C9orf72: variants seen among roughly 807,000 people sequenced by gnomAD.
C9orf72 encodes C9orf72-SMCR8 complex subunit.
A neutral mutation model predicts 51.6 loss-of-function variants in C9orf72; 44 were observed. The observed-to-expected ratio is 0.85, with a 90% confidence interval of 0.67 to 1.10. The LOEUF is 1.10. C9orf72 is among the 50% of genes least tolerant of loss of function. The pLI is 0.00. For missense variants in C9orf72, 607 were observed against 570.6 expected (o/e 1.06, Z -0.65); for synonymous variants, 213 against 194.2 (o/e 1.10, Z -0.81).
chr9:27,561,283 T>C (rs1234992319), intron 5 of C9orf72: 2 of 1,142,408 alleles, frequency 1.8e-6, no homozygotes, highest in African/African-American at 3.3e-5. Flanking sequence ...CAACTTAATA[T>C]GAAAGGATTC....
chr9:27,565,930 A>C (rs1819457346), intron 2 of C9orf72, among the ~76,000 whole-genome samples: 1 of 152,194 alleles, frequency 6.6e-6, no homozygotes, highest in Admixed American at 6.6e-5. Context: ...TCCTGATTTT[A>C]AGAGTTTCAT....
intron 1 of C9orf72, chr9:27,571,323 TA>T (rs1370214220): frequency 2.6e-5 from 4 of 152,246 alleles, no homozygotes; most frequent in African/African-American, 9.6e-5. Flanking sequence ...AAACTGTTAG[TA>T]GAGTGCTAAG....
Position 27,565,566 on chromosome 9 carries a change from T to A in C9orf72, c.469A>T (p.Ile157Phe). Residue 157 changes from isoleucine (I) to phenylalanine (F), a missense_variant, in exon 3 of 11, where the codon ATT (isoleucine) becomes TTT (phenylalanine). Coordinates refer to ENST00000380003, the MANE Select transcript of C9orf72 (RefSeq NM_018325.5). ...HKERQENVQK[I>F]ILEGTERMED... ...ATTCTCTCTGTGCCTTCTAAGATAA[T>A]CTTCTGGACATTTTCTTGTCTTTCC... The A allele has an allele frequency of 6.2e-7, 1 of 1,606,378 alleles. No homozygotes were observed. The highest frequency in any genetic ancestry group is 2.2e-5 in the East Asian group (1 of 44,746).
intron 4 of C9orf72, 89 bp from the exon 5 acceptor site, chr9:27,561,738 G>C: frequency 1.3e-6 from 1 of 783,560 alleles, no homozygotes; most frequent in Non-Finnish European, 2.1e-6. Flanking sequence ...CGGAAGTCTG[G>C]ATTCAATATA....
At chr9:27,553,642 T>C (rs1436150981) in intron 8 of C9orf72, among the ~76,000 whole-genome samples, 3 of 152,262 alleles carry the variant, frequency 2.0e-5, no homozygotes, top group South Asian at 2.1e-4. Context: ...ATTCTGGACA[T>C]AGGCCCTGGC....
intron 6 of C9orf72, 95 bp from the exon 7 acceptor site, chr9:27,558,702 T>G: frequency 1.5e-6 from 1 of 651,476 alleles, no homozygotes; most frequent in Non-Finnish European, 2.6e-6. Flanking sequence ...TTATTATCAA[T>G]AAAACATATC....
chr9:27,567,272 G>A, intron 1 of C9orf72, 108 bp from the exon 2 acceptor site: 1 of 639,426 alleles, frequency 1.6e-6, no homozygotes, highest in South Asian at 2.0e-5. Context: ...AGTCAAAGAT[G>A]TGGAATCCTG....
chr9:27,570,329 T>C (rs1819558299), intron 1 of C9orf72, among the ~76,000 whole-genome samples: 1 of 152,226 alleles, frequency 6.6e-6, no homozygotes, highest in Non-Finnish European at 1.5e-5. Context: ...TAAGTTAACA[T>C]ACAACCATAA....
chr9:27,561,684 G>T, intron 4 of C9orf72, 35 bp from the exon 5 acceptor site: 1 of 1,345,050 alleles, frequency 7.4e-7, no homozygotes, highest in Non-Finnish European at 1.1e-6. Flanking sequence ...AATTAGTCTG[G>T]CTGTAACATA....
chr9:27,548,643 T>G lies in C9orf72; in HGVS notation c.1173A>C (p.Leu391Phe). Residue 391 changes from leucine to phenylalanine, a missense_variant, in exon 10 of 11, where the codon TTA becomes TTC. Physicochemically the swap from Leu to Phe is conservative, Grantham distance 22 (BLOSUM62 0). Coordinates refer to ENST00000380003, the MANE Select transcript of C9orf72 (RefSeq NM_018325.5). ...LDQVFQLKPGLSLRSTFLAQF... is the reference protein window; with the variant it reads ...LDQVFQLKPGFSLRSTFLAQF... ...GTGCAAGGAAAGTACTTCTGAGAGATAAGCCAGGTTTCAGCTGAAAGACCT... is the reference window on the plus strand; with the variant it reads ...GTGCAAGGAAAGTACTTCTGAGAGAGAAGCCAGGTTTCAGCTGAAAGACCT... The G allele has an allele frequency of 6.2e-7, 1 of 1,611,260 alleles. No homozygotes were observed. The highest frequency in any genetic ancestry group is 8.5e-7 in the Non-Finnish European group (1 of 1,177,522).
At chr9:27,568,836 C>CTT (rs879307887) in intron 1 of C9orf72, among the ~76,000 whole-genome samples, 1 of 145,538 alleles carries the variant, frequency 6.9e-6, no homozygotes, top group Admixed American at 6.9e-5. Context: ...ACTCCTTCTA[C>CTT]TTTTTTTTTT....
chr9:27,565,660 C>A, intron 2 of C9orf72, 70 bp from the exon 3 acceptor site: 1 of 966,298 alleles, frequency 1.0e-6, no homozygotes, highest in Non-Finnish European at 1.6e-6. Context: ...TTTCAATAGA[C>A]ATGTTCTTGT....
chr9:27,558,594 A>T lies in C9orf72; in HGVS notation c.752T>A (p.Leu251Ter), dbSNP rs778084380. The change falls in exon 7 of 11, where the codon TTA (leucine) becomes TAA (stop). Residue 251 changes from leucine (L) to a stop codon, truncating the protein, a stop_gained. Coordinates refer to ENST00000380003, the MANE Select transcript of C9orf72 (RefSeq NM_018325.5). LOFTEE classifies it high-confidence loss of function. ...AEKVNKIVRT[L>*]CLFLTPAERK... ...CTCTGCTGGAGTCAGAAAAAGGCATAATGTTCTGACTATCTATAAAAGAAA... is the reference window on the plus strand; with the variant it reads ...CTCTGCTGGAGTCAGAAAAAGGCATTATGTTCTGACTATCTATAAAAGAAA... The T allele has an allele frequency of 6.3e-7, 1 of 1,576,830 alleles. No homozygotes were observed. Among genetic ancestry groups the T allele is most frequent in the South Asian group, 1.1e-5 (1 of 87,986 alleles).
intron 8 of C9orf72, among the ~76,000 whole-genome samples, chr9:27,555,105 T>C (rs1448561318): frequency 6.6e-6 from 1 of 152,130 alleles, no homozygotes; most frequent in Non-Finnish European, 1.5e-5. Flanking sequence ...TACTAAGCAC[T>C]TTAGGAAAAA....
At chr9:27,568,772 A>G (rs700827) in intron 1 of C9orf72, among the ~76,000 whole-genome samples, 150,405 of 152,274 alleles carry the variant, frequency 0.99, 74,304 homozygotes, top group East Asian at 1. Flanking sequence ...AAACTACTAC[A>G]TTGCTGGTTT....
intron 1 of C9orf72, among the ~76,000 whole-genome samples, chr9:27,569,652 C>A (rs1331652398): frequency 6.6e-6 from 1 of 152,124 alleles, no homozygotes; most frequent in Non-Finnish European, 1.5e-5. Context: ...ACAAAATCGC[C>A]TAATGATGCA....
At chr9:27,565,389 TC>T in intron 3 of C9orf72, 141 bp downstream of exon 3, 1 of 421,670 alleles carries the variant, frequency 2.4e-6, no homozygotes, top group South Asian at 8.0e-5. Context: ...GAAATCTTCC[TC>T]CAGTTTATTC....
intron 9 of C9orf72, among the ~76,000 whole-genome samples, chr9:27,549,082 T>C (rs1018336892): frequency 6.6e-6 from 1 of 152,178 alleles, no homozygotes; most frequent in Non-Finnish European, 1.5e-5. Flanking sequence ...GACCTTGTGA[T>C]CCACCCACCT....
intron 9 of C9orf72, among the ~76,000 whole-genome samples, chr9:27,550,062 T>C (rs1820875011): frequency 6.6e-6 from 1 of 150,504 alleles, no homozygotes; most frequent in South Asian, 2.1e-4. Flanking sequence ...ATATTTTACA[T>C]ATCATATATA....
Sources: gnomAD v4.1 joint callset for allele counts (sites outside exome capture counted in the v4.1 genomes callset) on GRCh38, gnomAD v4.1.1 for gene constraint, MANE v1.5 for transcripts, NCBI Gene and HGNC (gene_info 2026-07-23, HGNC 2026-07-21) for gene names.